Variants in PRRC2C observed in about 807,000 individuals in gnomAD.
PRRC2C encodes proline rich coiled-coil 2C, also known as protein PRRC2C.
Under a neutral mutation model 317.2 loss-of-function variants are expected in PRRC2C, and 72 were observed. The ratio of observed to expected loss-of-function variants is 0.23; its 90% CI spans 0.19 to 0.28. The LOEUF is 0.28. PRRC2C is among the 10% of genes least tolerant of loss of function. The probability of loss-of-function intolerance (pLI) is 1.00; values close to 1 mark genes in which losing one functional copy is unlikely to be tolerated. For synonymous variants in PRRC2C, 1,296 were observed against 1,205.9 expected (o/e 1.07, Z -1.55); for missense variants, 3,074 against 3,459.7 (o/e 0.89, Z 2.80).
At chr1:171,539,020 T>A (rs1263581888) in intron 15 of PRRC2C, among the ~76,000 whole-genome samples, 1 of 145,184 alleles carries the variant, frequency 6.9e-6, no homozygotes, top group Non-Finnish European at 1.5e-5. Context: ...TTTTTTTTTT[T>A]AATGGAGTTT....
chr1:171,556,617 C>T (rs1237101529), intron 18 of PRRC2C, among the ~76,000 whole-genome samples: 6 of 152,206 alleles, frequency 3.9e-5, no homozygotes, highest in African/African-American at 1.4e-4. Context: ...ATGCTAGGGA[C>T]ACCTTATTTG....
At chr1:171,514,332 G>T (rs1324337610) in intron 3 of PRRC2C, among the ~76,000 whole-genome samples, 1 of 151,838 alleles carries the variant, frequency 6.6e-6, no homozygotes, top group Non-Finnish European at 1.5e-5. Flanking sequence ...ATCTCATTGG[G>T]TTATTCAAAG....
chr1:171,507,623 AT>A (rs1670511164), intron 1 of PRRC2C, among the ~76,000 whole-genome samples: 1 of 152,070 alleles, frequency 6.6e-6, no homozygotes, highest in Non-Finnish European at 1.5e-5. Context: ...CAAAAAAAAA[AT>A]CTCTACCTAA....
intron 30 of PRRC2C, among the ~76,000 whole-genome samples, chr1:171,585,020 G>C (rs1649537406): frequency 6.6e-6 from 1 of 152,060 alleles, no homozygotes; most frequent in Admixed American, 6.6e-5. Flanking sequence ...CAAGCGATCT[G>C]CCTGCCTCGG....
At chr1:171,561,296 A>G (rs1328319462) in intron 20 of PRRC2C, among the ~76,000 whole-genome samples, 193 bp downstream of exon 20, 2 of 152,100 alleles carry the variant, frequency 1.3e-5, no homozygotes, top group Non-Finnish European at 2.9e-5. Context: ...CTACATACAG[A>G]ATAAAAAATA....
At position 171,521,900 on chromosome 1, in the gene PRRC2C, G is replaced by A. The variant is rs187759729; in HGVS notation, c.751-277G>A. ...AGTTACTTTAATGTGTACATATCTTGTTGATAGTTACTTTAATGTAATTTT... is the reference window on the plus strand; with the variant it reads ...AGTTACTTTAATGTGTACATATCTTATTGATAGTTACTTTAATGTAATTTT... On this transcript the variant is annotated intron_variant, in intron 6 of 34. Transcript: ENST00000647382. 3.9e-5 allele frequency among the ~76,000 whole-genome samples: 6 copies of A among 152,122 alleles called. No individual in the cohort carries two copies. In the East Asian group the frequency reaches 1.2e-3, roughly 29 times the overall value.
In PRRC2C at chr1:171,512,425, G is replaced by C. The variant is rs1266898578; in HGVS notation, c.112+225G>C. ...TTTAAAAATATTTTTGTTTTTCTCT[G>C]TTGTCAGCAGAAAAAAGGTAGAACT... On this transcript the variant is annotated intron_variant, in intron 2 of 34. Transcript: ENST00000647382. 4 of 398,700 alleles carry C rather than the reference G, an allele frequency of 1.0e-5. No individual in the cohort carries two copies. The East Asian group carries it at 2.5e-4, about 25-fold the overall frequency. The allele number at this position is 398,700 out of a possible 1,614,324, so 24.7% of individuals were successfully genotyped here.
In PRRC2C at chr1:171,566,901, G is replaced by A. The variant is rs868004172; in HGVS notation, c.6558+58G>A. 30 of 1,524,258 alleles carry A rather than the reference G, an allele frequency of 2.0e-5. No homozygotes were observed. The Middle Eastern group carries it at 5.3e-4, about 27-fold the overall frequency. The allele number at this position is 1,524,258 out of a possible 1,614,324, so 94.4% of individuals were successfully genotyped here. ...GATGCAAGCCATGTCTAAAATGAAC[G>A]AGAAGAACAGCAACAGTCTGCTTTT... is the stretch of plus-strand genomic sequence containing the variant. On this transcript the variant is annotated intron_variant, in intron 22 of 34. Coordinates refer to ENST00000647382, the MANE Select transcript of PRRC2C (RefSeq NM_001387844.1).
chr1:171,559,873 A>T (rs1208282861), intron 19 of PRRC2C, among the ~76,000 whole-genome samples: 2 of 152,102 alleles, frequency 1.3e-5, no homozygotes, highest in African/African-American at 4.8e-5. Context: ...AGGGGGAAAA[A>T]TGCTCAAAAG....
At chr1:171,506,718 T>C (rs1670324787) in intron 1 of PRRC2C, among the ~76,000 whole-genome samples, 1 of 150,248 alleles carries the variant, frequency 6.7e-6, no homozygotes, top group Non-Finnish European at 1.5e-5. Flanking sequence ...TGTGTGTGTG[T>C]TTTAATTGGA....
intron 25 of PRRC2C, 77 bp downstream of exon 25, chr1:171,575,205 C>T (rs1685493018): frequency 1.5e-6 from 2 of 1,318,832 alleles, no homozygotes; most frequent in African/African-American, 1.5e-5. Flanking sequence ...TGTTTACTAT[C>T]TCTAGCCCTC....
In PRRC2C at chr1:171,524,807, TTTTGA is replaced by T; in HGVS notation, c.1056-10_1056-6del. On this transcript the variant is annotated splice_polypyrimidine_tract_variant and intron_variant, in intron 9 of 34. Transcript: ENST00000647382. ...GTTGGTCCACTTTATTTCTTCTGCA[TTTTGA>T]TTTTTCAGTGAGGATCAAGGTTCAA... is the stretch of plus-strand genomic sequence containing the variant. The T allele has an allele frequency of 6.5e-7, 1 of 1,539,902 alleles. No individual in the cohort carries two copies. The highest frequency in any genetic ancestry group is 8.7e-7 in the Non-Finnish European group (1 of 1,145,200).
chr1:171,579,956 A>C lies in PRRC2C; in HGVS notation c.7401A>C (p.Gln2467His), dbSNP rs1380145253. 2 of 1,547,436 alleles carry C rather than the reference A, an allele frequency of 1.3e-6. No individual in the cohort carries two copies. The highest frequency in any genetic ancestry group is 1.7e-6 in the Non-Finnish European group (2 of 1,153,414). ...AGGAATTGTTCAGCTCCTCACTTCA[A>C]CCATATAGGTAAATGCTTTAAAAGT... ...QAQELFSSSL[Q>H]PYRSQPAFMQ... The change falls in exon 28 of 35, where the codon CAA becomes CAC. Residue 2467 changes from glutamine to histidine, a missense_variant. Coordinates refer to ENST00000647382, the MANE Select transcript of PRRC2C (RefSeq NM_001387844.1).
intron 18 of PRRC2C, 25 bp downstream of exon 18, chr1:171,550,265 G>C (rs756559051): frequency 8.5e-6 from 13 of 1,531,238 alleles, no homozygotes; most frequent in Non-Finnish European, 1.1e-5. Context: ...TCAACTTGTT[G>C]CTAGTTATCT....
chr1:171,492,926 A>G (rs141340356), intron 1 of PRRC2C, among the ~76,000 whole-genome samples: 94 of 151,814 alleles, frequency 6.2e-4, no homozygotes, highest in African/African-American at 2.0e-3. Context: ...TAATCTTTGT[A>G]TTTTTAGTAG....
At chr1:171,485,759 G>C (rs563279005) in intron 1 of PRRC2C, 24 bp downstream of exon 1, 2 of 152,416 alleles carry the variant, frequency 1.3e-5, no homozygotes, top group East Asian at 3.9e-4. Context: ...GGGTGTGGGG[G>C]CCGCGATCAA....
At position 171,523,344 on chromosome 1, in the gene PRRC2C, A is replaced by G; in HGVS notation, c.957A>G (p.Glu319=). 4 of 1,613,966 alleles carry G rather than the reference A, an allele frequency of 2.5e-6. No homozygotes were observed. The highest frequency in any genetic ancestry group is 1.7e-4 in the Middle Eastern group (1 of 6,058). ...ATAACCTAGATGCTGAAGCTGATGA[A>G]GGTTGGGCAGGTAAGAGGCAAAATT... ...KFDNLDAEAD[E]GWAGAQMEVD... Residue 319 remains glutamate (E), a synonymous_variant, in exon 8 of 35, where the codon GAA becomes GAG. Coordinates refer to ENST00000647382, the MANE Select transcript of PRRC2C (RefSeq NM_001387844.1).
intron 1 of PRRC2C, among the ~76,000 whole-genome samples, chr1:171,503,086 T>TA (rs1034590910): frequency 6.6e-6 from 1 of 152,178 alleles, no homozygotes; most frequent in African/African-American, 2.4e-5. Flanking sequence ...GAGAAGTAAA[T>TA]ACTTTATCCC....
chr1:171,514,674 CTAGGCTTGAT>C, intron 4 of PRRC2C, 29 bp downstream of exon 4: 1 of 1,529,934 alleles, frequency 6.5e-7, no homozygotes, highest in Non-Finnish European at 8.9e-7. Flanking sequence ...GGGAAGCTGC[CTAGGCTTGAT>C]AGTTACTGAA....
Sources: allele counts gnomAD v4.1 joint callset (sites outside exome capture counted in the v4.1 genomes callset), GRCh38; gene constraint gnomAD v4.1.1; transcripts MANE v1.5; gene names NCBI Gene and HGNC (gene_info 2026-07-23, HGNC 2026-07-21).